NXPH2: variants seen among roughly 807,000 people sequenced by gnomAD.
The protein encoded by NXPH2 is neurexophilin 2.
Under a neutral mutation model 19.8 loss-of-function variants are expected in NXPH2, and 5 were observed. The ratio of observed to expected loss-of-function variants is 0.25; its 90% confidence interval spans 0.13 to 0.53. The LOEUF is 0.53. Among genes scored for constraint, NXPH2 ranks in the 20% least tolerant of loss-of-function variants. The pLI is 0.96. For missense variants in NXPH2, 289 were observed against 322.8 expected (o/e 0.90, Z 0.80); for synonymous variants, 154 against 127.4 (o/e 1.21, Z -1.41).
intron 1 of NXPH2, among the ~76,000 whole-genome samples, chr2:138,759,843 C>T (rs372829998): frequency 9.9e-5 from 15 of 151,708 alleles, no homozygotes; most frequent in Admixed American, 7.2e-4. Context: ...CATTCTCCTG[C>T]CTCAGCCTCC....
chr2:138,776,127 G>A (rs1419621047), intron 1 of NXPH2, among the ~76,000 whole-genome samples: 3 of 152,030 alleles, frequency 2.0e-5, no homozygotes, highest in Non-Finnish European at 2.9e-5. Flanking sequence ...AAGGTGTATT[G>A]ATTAGCTCTT....
Position 138,671,399 on chromosome 2 carries a change from T to C in NXPH2, c.318A>G (p.Gly106=). 6.2e-7 allele frequency: 1 copy of C among 1,614,068 alleles called. No homozygotes were observed. Residue 106 remains glycine (G), a synonymous_variant, in exon 2 of 2, where the codon GGA becomes GGG. Transcript: ENST00000272641. ...RTKRRPIVKT[G]KFKKMFGWGD... is the part of the protein sequence containing the mutation. ...CCCATCCAAACATTTTCTTAAATTT[T>C]CCTGTTTTTACTATTGGCCTCCGTT...
At chr2:138,694,227 C>T (rs1010428094) in intron 1 of NXPH2, among the ~76,000 whole-genome samples, 2 of 152,182 alleles carry the variant, frequency 1.3e-5, no homozygotes, top group African/African-American at 4.8e-5. Flanking sequence ...TTTGATGCCT[C>T]CCAACTGAGG....
chr2:138,689,023 C>T (rs1451851454), intron 1 of NXPH2, among the ~76,000 whole-genome samples: 2 of 152,218 alleles, frequency 1.3e-5, no homozygotes, highest in Admixed American at 1.3e-4. Flanking sequence ...CCCCACTAAG[C>T]TCCAATGCCA....
At chr2:138,726,950 C>T (rs574023066) in intron 1 of NXPH2, among the ~76,000 whole-genome samples, 3 of 152,166 alleles carry the variant, frequency 2.0e-5, no homozygotes, top group Admixed American at 6.5e-5. Context: ...TCTATTCATC[C>T]CTCCCTCCCT....
chr2:138,696,700 A>G (rs534123291), intron 1 of NXPH2, among the ~76,000 whole-genome samples: 4 of 152,302 alleles, frequency 2.6e-5, no homozygotes, highest in South Asian at 4.1e-4. Context: ...GCAGTTTTGT[A>G]TAACATTAAA....
chr2:138,691,816 G>A (rs1015167811), intron 1 of NXPH2, among the ~76,000 whole-genome samples: 18 of 152,124 alleles, frequency 1.2e-4, no homozygotes, highest in African/African-American at 4.1e-4. Context: ...GATCAGTTCA[G>A]CTGTCAGGTG....
At chr2:138,776,161 T>C (rs898266354) in intron 1 of NXPH2, among the ~76,000 whole-genome samples, 2 of 152,058 alleles carry the variant, frequency 1.3e-5, no homozygotes, top group Non-Finnish European at 2.9e-5. Flanking sequence ...GTGGGCGGTG[T>C]CTTATATAAA....
intron 1 of NXPH2, among the ~76,000 whole-genome samples, chr2:138,683,276 T>C (rs1348807125): frequency 6.6e-6 from 1 of 152,164 alleles, no homozygotes; most frequent in African/African-American, 2.4e-5. Flanking sequence ...ATGAGAGACA[T>C]GAGCTTCACA....
chr2:138,684,786 C>T (rs1407600668), intron 1 of NXPH2, among the ~76,000 whole-genome samples: 1 of 152,180 alleles, frequency 6.6e-6, no homozygotes, highest in Admixed American at 6.5e-5. Flanking sequence ...GCCCAAGAGT[C>T]CCCTTTACAT....
chr2:138,772,105 G>A (rs985004184), intron 1 of NXPH2, among the ~76,000 whole-genome samples: 11 of 152,020 alleles, frequency 7.2e-5, no homozygotes, highest in Non-Finnish European at 4.4e-5. Context: ...TTAGCAGCCC[G>A]TGAACCCACA....
intron 1 of NXPH2, among the ~76,000 whole-genome samples, chr2:138,762,992 G>T (rs1682041251): frequency 6.6e-6 from 1 of 152,164 alleles, no homozygotes; most frequent in Admixed American, 6.5e-5. Flanking sequence ...GTGCTTATAA[G>T]CAGGTGAAGT....
intron 1 of NXPH2, among the ~76,000 whole-genome samples, chr2:138,695,779 A>C (rs937289324): frequency 2.4e-4 from 37 of 152,328 alleles, no homozygotes; most frequent in African/African-American, 8.7e-4. Flanking sequence ...AGGCAAGGAA[A>C]AAAACCCACA....
intron 1 of NXPH2, among the ~76,000 whole-genome samples, chr2:138,772,742 G>T (rs777475382): frequency 6.6e-6 from 1 of 152,192 alleles, no homozygotes; most frequent in African/African-American, 2.4e-5. Flanking sequence ...AGAGTGGGAT[G>T]TTTCCTAGAA....
intron 1 of NXPH2, among the ~76,000 whole-genome samples, chr2:138,702,071 C>T (rs1206989601): frequency 2.0e-5 from 3 of 151,560 alleles, no homozygotes; most frequent in African/African-American, 4.8e-5. Flanking sequence ...TTTTTATTTC[C>T]TTCCCCTTCC....
chr2:138,698,479 A>G (rs1455295740), intron 1 of NXPH2, among the ~76,000 whole-genome samples: 1 of 152,200 alleles, frequency 6.6e-6, no homozygotes, highest in Non-Finnish European at 1.5e-5. Flanking sequence ...ACAGGTAGAA[A>G]TTTAATAACG....
At chr2:138,684,615 A>T (rs1680621436) in intron 1 of NXPH2, among the ~76,000 whole-genome samples, 1 of 152,180 alleles carries the variant, frequency 6.6e-6, no homozygotes, top group South Asian at 2.1e-4. Flanking sequence ...TCTAAATCCA[A>T]ATCAGGGTCA....
At chr2:138,772,669 A>G (rs10200922) in intron 1 of NXPH2, among the ~76,000 whole-genome samples, 51,030 of 152,040 alleles carry the variant, frequency 0.34, 8,653 homozygotes, top group Middle Eastern at 0.43. Context: ...TATTCAACTT[A>G]TTTGACTTTA....
chr2:138,747,029 A>C (rs1034855292), intron 1 of NXPH2, among the ~76,000 whole-genome samples: 1 of 152,196 alleles, frequency 6.6e-6, no homozygotes, highest in East Asian at 1.9e-4. Context: ...CATCAAATAC[A>C]TTATATTCCC....
Sources: allele counts gnomAD v4.1 joint callset (sites outside exome capture counted in the v4.1 genomes callset), GRCh38; gene constraint gnomAD v4.1.1; transcripts MANE v1.5; gene names NCBI Gene and HGNC (gene_info 2026-07-23, HGNC 2026-07-21).